The following GLI2 variants were observed in gnomAD, a reference collection of about 807,000 sequenced individuals.
GLI2 encodes transcription activator GLI2.
A neutral mutation model predicts 78.9 loss-of-function variants in GLI2; 22 were observed. That is an observed-to-expected ratio of 0.28 (90% CI 0.20 to 0.40). GLI2 has a LOEUF of 0.40. GLI2 is among the 10% of genes least tolerant of loss of function. GLI2 has a pLI of 1.00. For missense variants in GLI2, 2,097 were observed against 2,213.2 expected, an observed-to-expected ratio of 0.95 and a Z score of 1.05; for synonymous variants, 974 against 963.7, an observed-to-expected ratio of 1.01 and a Z score of -0.20.
intron 2 of GLI2, among the ~76,000 whole-genome samples, chr2:120,921,397 G>A (rs7592746): frequency 0.86 from 131,403 of 152,010 alleles, 58,043 homozygotes; most frequent in East Asian, 1. Context: ...ACAAAGATGA[G>A]CCAGCATCTG....
intron 8 of GLI2, among the ~76,000 whole-genome samples, chr2:120,973,348 C>G (rs1208255214): frequency 6.6e-6 from 1 of 152,248 alleles, no homozygotes; most frequent in Non-Finnish European, 1.5e-5. Flanking sequence ...GCACTGAGCA[C>G]CTGGGAGCCC....
At chr2:120,983,024 A>T in intron 11 of GLI2, 144 bp downstream of exon 11, 1 of 645,178 alleles carries the variant, frequency 1.5e-6, no homozygotes, top group Non-Finnish European at 2.5e-6. Context: ...TCAGATACAG[A>T]CCAGGACTCT....
chr2:120,884,292 G>A (rs2104724788), intron 2 of GLI2, among the ~76,000 whole-genome samples: 1 of 152,336 alleles, frequency 6.6e-6, no homozygotes, highest in South Asian at 2.1e-4. Context: ...GCGCCCATGT[G>A]CGGGCCAAGG....
intron 2 of GLI2, among the ~76,000 whole-genome samples, chr2:120,824,169 G>A (rs557097392): frequency 3.5e-4 from 53 of 152,332 alleles, no homozygotes; most frequent in African/African-American, 1.2e-3. Context: ...CCCAGGTTCG[G>A]AGAAGCTAAG....
At chr2:120,741,089 CG>C (rs1166838594) in intron 1 of GLI2, among the ~76,000 whole-genome samples, 3 of 152,094 alleles carry the variant, frequency 2.0e-5, no homozygotes, top group Non-Finnish European at 4.4e-5. Context: ...GGAGGTGGGG[CG>C]GGGGGTGTTG....
intron 1 of GLI2, among the ~76,000 whole-genome samples, chr2:120,788,028 C>A (rs1342464058): frequency 6.6e-6 from 1 of 152,182 alleles, no homozygotes; most frequent in Non-Finnish European, 1.5e-5. Context: ...TGCTCAGGGG[C>A]AGGCCTTCTC....
chr2:120,865,898 C>T (rs892785370), intron 2 of GLI2, among the ~76,000 whole-genome samples: 2 of 152,230 alleles, frequency 1.3e-5, no homozygotes, highest in Non-Finnish European at 2.9e-5. Flanking sequence ...ACCTGGCACC[C>T]CCCCTGTTCA....
chr2:120,935,154 G>A (rs1680134415), intron 3 of GLI2, among the ~76,000 whole-genome samples: 1 of 152,216 alleles, frequency 6.6e-6, no homozygotes, highest in South Asian at 2.1e-4. Context: ...GGAAGGAGGA[G>A]ACTTCCGAAA....
chr2:120,921,335 G>A (rs1247880070), intron 2 of GLI2, among the ~76,000 whole-genome samples: 3 of 152,084 alleles, frequency 2.0e-5, no homozygotes, highest in Non-Finnish European at 4.4e-5. Context: ...TGGGGCTGGT[G>A]TGTCAAGTGG....
intron 2 of GLI2, among the ~76,000 whole-genome samples, chr2:120,862,661 C>T (rs1457339849): frequency 6.6e-6 from 1 of 152,164 alleles, no homozygotes; most frequent in Non-Finnish European, 1.5e-5. Context: ...TGGGCCTTCT[C>T]AGATCTTTGA....
chr2:120,945,557 G>C (rs1107445), intron 3 of GLI2, among the ~76,000 whole-genome samples: 127,998 of 152,224 alleles, frequency 0.84, 57,647 homozygotes, highest in East Asian at 1. Flanking sequence ...TGTGGGTCAA[G>C]AAATGTCTTA....
chr2:120,849,267 T>A (rs962940965), intron 2 of GLI2, among the ~76,000 whole-genome samples: 2 of 152,214 alleles, frequency 1.3e-5, no homozygotes, highest in Admixed American at 1.3e-4. Flanking sequence ...ACAATGTGAA[T>A]GTATTTGATG....
intron 4 of GLI2, among the ~76,000 whole-genome samples, chr2:120,952,544 T>C (rs1681047980): frequency 6.6e-6 from 1 of 152,230 alleles, no homozygotes; most frequent in Non-Finnish European, 1.5e-5. Context: ...CCCTGAATCG[T>C]TGACTCATCT....
In GLI2 at chr2:120,968,709, C is replaced by G; in HGVS notation, c.644-5C>G. On this transcript the variant is annotated splice_polypyrimidine_tract_variant and splice_region_variant and intron_variant, in intron 5 of 13. Transcript: ENST00000361492. ...CTGACCTGTCTTGTGTTGACTATCC[C>G]ACAGTGTCCCGTTTCTCCAGCCCGC... is the stretch of plus-strand genomic sequence containing the variant. 2 of 1,610,474 alleles carry G rather than the reference C, an allele frequency of 1.2e-6. No homozygotes were observed. Among genetic ancestry groups the G allele is most frequent in the South Asian group, 2.2e-5 (2 of 91,018 alleles).
rs1036625298 is a variant in GLI2 at position 120,990,301 on chromosome 2, C to G, written c.4336C>G (p.Leu1446Val). 1 of 1,613,760 alleles carries G rather than the reference C, an allele frequency of 6.2e-7. No individual in the cohort carries two copies. Among genetic ancestry groups the G allele is most frequent in the African/African-American group, 1.3e-5 (1 of 75,068 alleles). ...MYEQDGGLENLGSCQVMRSQP... is the reference protein window; with the variant it reads ...MYEQDGGLENVGSCQVMRSQP... ...CGAACAGGATGGAGGCCTGGAGAAC[C>G]TCGGGAGCTGCCAGGTCATGCGGTC... is the stretch of plus-strand genomic sequence containing the variant. Residue 1446 changes from leucine to valine, a missense_variant, in exon 14 of 14, where the codon CTC becomes GTC. By Grantham distance (32) the Leu-to-Val change is conservative. Around this residue, in one of 5 missense-constraint regions of GLI2, gnomAD observed 1,290 missense variants for 1,261.7 expected, o/e 1.02. Coordinates refer to ENST00000361492, the MANE Select transcript of GLI2 (RefSeq NM_001374353.1).
chr2:120,918,380 A>T (rs1679200002), intron 2 of GLI2, among the ~76,000 whole-genome samples: 1 of 151,316 alleles, frequency 6.6e-6, no homozygotes, highest in African/African-American at 2.4e-5. Flanking sequence ...CTGCTCAGAG[A>T]TGGGGAAGGG....
At chr2:120,903,999 G>A (rs1322987620) in intron 2 of GLI2, among the ~76,000 whole-genome samples, 3 of 152,086 alleles carry the variant, frequency 2.0e-5, no homozygotes. Flanking sequence ...GCAGAGTTTT[G>A]GGGGAATATA....
At chr2:120,747,312 A>G (rs1247297316) in intron 1 of GLI2, among the ~76,000 whole-genome samples, 1 of 152,212 alleles carries the variant, frequency 6.6e-6, no homozygotes, top group Non-Finnish European at 1.5e-5. Context: ...CACACAAGCC[A>G]CTTGCAAAAT....
At chr2:120,938,784 G>T (rs1337320054) in intron 3 of GLI2, among the ~76,000 whole-genome samples, 3 of 152,194 alleles carry the variant, frequency 2.0e-5, no homozygotes, top group African/African-American at 7.2e-5. Flanking sequence ...TGATCATGTA[G>T]ACGACTGAGC....
Sources: gnomAD v4.1 joint callset for allele counts (sites outside exome capture counted in the v4.1 genomes callset) on GRCh38, gnomAD v4.1.1 for gene constraint, gnomAD v4.1.1 regional missense constraint, MANE v1.5 for transcripts, NCBI Gene and HGNC (gene_info 2026-07-23, HGNC 2026-07-21) for gene names.